Variants in TFAP2D observed in about 807,000 individuals in gnomAD.
TFAP2D encodes the protein transcription factor AP-2-delta.
TFAP2D carries 9 observed loss-of-function variants against 43.6 expected under a neutral mutation model. The ratio of observed to expected loss-of-function variants is 0.21; its 90% CI spans 0.12 to 0.36. The LOEUF (loss-of-function observed/expected upper bound fraction) is 0.36, where lower values mean the gene tolerates loss of function less well. TFAP2D is among the 10% of genes least tolerant of loss of function. The probability of loss-of-function intolerance (pLI) is 1.00; values close to 1 mark genes in which losing one functional copy is unlikely to be tolerated. For synonymous variants in TFAP2D, 256 were observed against 224.9 expected (o/e 1.14, Z -1.24); for missense variants, 513 against 561.4 (o/e 0.91, Z 0.87).
chr6:50,767,162 T>C (rs907631353), intron 7 of TFAP2D, among the ~76,000 whole-genome samples: 11 of 152,208 alleles, frequency 7.2e-5, no homozygotes, highest in Non-Finnish European at 1.3e-4. Flanking sequence ...TTTGGATGCT[T>C]TTTATTTCTT....
chr6:50,728,011 CA>C (rs113649304), intron 3 of TFAP2D, among the ~76,000 whole-genome samples: 27 of 152,240 alleles, frequency 1.8e-4, no homozygotes, highest in Non-Finnish European at 2.6e-4. Flanking sequence ...GATTGAAGCT[CA>C]GGGGGCTTTC....
At chr6:50,724,593 G>A (rs1462629191) in intron 3 of TFAP2D, among the ~76,000 whole-genome samples, 1 of 152,086 alleles carries the variant, frequency 6.6e-6, no homozygotes, top group Non-Finnish European at 1.5e-5. Flanking sequence ...GAGGCGCGGA[G>A]GCCGTGAGTA....
chr6:50,722,802 G>A (rs1768748844), intron 3 of TFAP2D, among the ~76,000 whole-genome samples: 1 of 151,734 alleles, frequency 6.6e-6, no homozygotes, highest in Non-Finnish European at 1.5e-5. Flanking sequence ...AAATCGAGAT[G>A]GCAACTAAAA....
intron 5 of TFAP2D, among the ~76,000 whole-genome samples, chr6:50,741,972 T>A (rs966267857): frequency 1.3e-5 from 2 of 152,084 alleles, no homozygotes; most frequent in Non-Finnish European, 2.9e-5. Flanking sequence ...AGCTCATGGA[T>A]TTTTATTTTC....
chr6:50,772,357 T>A (rs1367803437), intron 7 of TFAP2D, among the ~76,000 whole-genome samples: 2 of 152,162 alleles, frequency 1.3e-5, no homozygotes, highest in Non-Finnish European at 2.9e-5. Flanking sequence ...AACCTGCACG[T>A]TGTGCACATG....
At chr6:50,751,865 G>T (rs1769205732) in intron 7 of TFAP2D, among the ~76,000 whole-genome samples, 1 of 151,902 alleles carries the variant, frequency 6.6e-6, no homozygotes, top group African/African-American at 2.4e-5. Context: ...AATGCATGAA[G>T]CATTTTAGAT....
At chr6:50,740,082 T>C (rs1467684897) in intron 5 of TFAP2D, among the ~76,000 whole-genome samples, 1 of 152,202 alleles carries the variant, frequency 6.6e-6, no homozygotes, top group Non-Finnish European at 1.5e-5. Context: ...TATAAGAATT[T>C]ACTTAATTCG....
chr6:50,715,783 C>T (rs1192295597), intron 2 of TFAP2D, among the ~76,000 whole-genome samples, 170 bp downstream of exon 2: 1 of 148,946 alleles, frequency 6.7e-6, no homozygotes, highest in Non-Finnish European at 1.5e-5. Flanking sequence ...ACACACACCA[C>T]TTATGGAAAG....
At chr6:50,743,156 C>T (rs1235606921) in intron 5 of TFAP2D, among the ~76,000 whole-genome samples, 1 of 151,974 alleles carries the variant, frequency 6.6e-6, no homozygotes, top group South Asian at 2.1e-4. Context: ...TGTTTTCCAC[C>T]ACACAGATAT....
intron 5 of TFAP2D, among the ~76,000 whole-genome samples, chr6:50,741,129 T>C (rs1397767808): frequency 1.3e-5 from 2 of 151,930 alleles, no homozygotes; most frequent in Admixed American, 6.6e-5. Context: ...GTATTTAATA[T>C]AAGTATTACT....
intron 7 of TFAP2D, among the ~76,000 whole-genome samples, chr6:50,755,601 T>C (rs957633805): frequency 6.6e-6 from 1 of 151,972 alleles, no homozygotes; most frequent in African/African-American, 2.4e-5. Flanking sequence ...CTATAAGCTT[T>C]TTTTCCCCCT....
chr6:50,738,877 G>A (rs181484943), intron 5 of TFAP2D, among the ~76,000 whole-genome samples: 189 of 152,090 alleles, frequency 1.2e-3, no homozygotes, highest in African/African-American at 4.3e-3. Context: ...ATATTAACTC[G>A]CTAGTGGCTG....
At chr6:50,757,469 TATA>T (rs1289528728) in intron 7 of TFAP2D, among the ~76,000 whole-genome samples, 1 of 111,200 alleles carries the variant, frequency 9.0e-6, no homozygotes, top group African/African-American at 3.5e-5. Flanking sequence ...ATATAATATA[TATA>T]ATTATTCTAT....
At chr6:50,759,277 G>A (rs2113891108) in intron 7 of TFAP2D, among the ~76,000 whole-genome samples, 1 of 152,062 alleles carries the variant, frequency 6.6e-6, no homozygotes, top group East Asian at 1.9e-4. Flanking sequence ...TTAATTGTCA[G>A]GGGATCTAAC....
chr6:50,718,031 T>C (rs574903894), intron 2 of TFAP2D: 10 of 152,316 alleles, frequency 6.6e-5, no homozygotes, highest in African/African-American at 1.9e-4. Context: ...AGTTCCATCT[T>C]TGAGTCCCCT....
intron 7 of TFAP2D, among the ~76,000 whole-genome samples, chr6:50,759,326 A>G (rs1390270767): frequency 1.3e-5 from 2 of 152,026 alleles, no homozygotes; most frequent in African/African-American, 4.8e-5. Flanking sequence ...GTGTGGATTT[A>G]GAATAGGCAT....
intron 7 of TFAP2D, among the ~76,000 whole-genome samples, chr6:50,755,999 C>T (rs1581775243): frequency 6.6e-6 from 1 of 151,812 alleles, no homozygotes; most frequent in African/African-American, 2.4e-5. Context: ...ATTCTTGAGA[C>T]TACAGGCATG....
At chr6:50,757,491 A>AT (rs1769292731) in intron 7 of TFAP2D, among the ~76,000 whole-genome samples, 1 of 96,280 alleles carries the variant, frequency 1.0e-5, no homozygotes, top group African/African-American at 4.2e-5. Flanking sequence ...ATATATATAT[A>AT]ATATATATAA....
chr6:50,732,882 C>T (rs2114040881), intron 5 of TFAP2D, among the ~76,000 whole-genome samples: 1 of 152,042 alleles, frequency 6.6e-6, no homozygotes, highest in South Asian at 2.1e-4. Flanking sequence ...ATCATTTTTC[C>T]TATATTCCTT....
Sources: gnomAD v4.1 joint callset for allele counts (sites outside exome capture counted in the v4.1 genomes callset) on GRCh38, gnomAD v4.1.1 for gene constraint, MANE v1.5 for transcripts, NCBI Gene and HGNC (gene_info 2026-07-23, HGNC 2026-07-21) for gene names.